Variants in LARGE1 observed in about 807,000 individuals in gnomAD.
The protein encoded by LARGE1 is LARGE xylosyl- and glucuronyltransferase 1.
Under a neutral mutation model 87.6 loss-of-function variants are expected in LARGE1, and 43 were observed. The observed-to-expected ratio is 0.49, with a 90% CI of 0.38 to 0.63. The LOEUF (loss-of-function observed/expected upper bound fraction) is 0.63, where lower values mean the gene tolerates loss of function less well. Ranked by LOEUF, LARGE1 falls within the 30% of genes least tolerant of loss-of-function variation. LARGE1 has a pLI of 0.00. For missense variants in LARGE1, 802 were observed against 1,000.2 expected (o/e 0.80, Z 2.67); for synonymous variants, 434 against 394.6 (o/e 1.10, Z -1.18).
At chr22:33,571,719 T>C (rs932163146) in intron 5 of LARGE1, among the ~76,000 whole-genome samples, 2 of 152,122 alleles carry the variant, frequency 1.3e-5, no homozygotes, top group Non-Finnish European at 2.9e-5. Flanking sequence ...CCTACCAAGA[T>C]TAAGGGTTGT....
At chr22:33,349,184 A>G (rs1275479783) in intron 9 of LARGE1, among the ~76,000 whole-genome samples, 2 of 152,196 alleles carry the variant, frequency 1.3e-5, no homozygotes, top group Non-Finnish European at 2.9e-5. Flanking sequence ...TCAGGCCTTC[A>G]GACTCAGATT....
At chr22:33,521,377 C>T (rs1162855955) in intron 6 of LARGE1, among the ~76,000 whole-genome samples, 1 of 152,232 alleles carries the variant, frequency 6.6e-6, no homozygotes, top group Non-Finnish European at 1.5e-5. Context: ...GTGGCCTTAC[C>T]TGCTAGCATA....
intron 1 of LARGE1, among the ~76,000 whole-genome samples, chr22:33,873,935 C>T (rs1444614402): frequency 1.3e-5 from 2 of 151,778 alleles, no homozygotes; most frequent in African/African-American, 4.8e-5. Flanking sequence ...CCTCCCAACC[C>T]TGATATTTCT....
chr22:33,094,859 C>T, the LARGE1 span, among the ~76,000 whole-genome samples: 1 of 152,234 alleles, frequency 6.6e-6, no homozygotes, highest in African/African-American at 2.4e-5. Flanking sequence ...GCTAGAATTA[C>T]AGGCATGCAC....
At chr22:33,250,684 A>G (rs976402300) in intron 11 of LARGE1, among the ~76,000 whole-genome samples, 3 of 152,150 alleles carry the variant, frequency 2.0e-5, no homozygotes, top group Admixed American at 2.0e-4. Context: ...ATCTCTATTC[A>G]TACTTTACTG....
intron 10 of LARGE1, among the ~76,000 whole-genome samples, chr22:33,328,938 C>T (rs1937474979): frequency 2.0e-5 from 3 of 152,102 alleles, no homozygotes; most frequent in South Asian, 2.1e-4. Flanking sequence ...TAATGACTCC[C>T]ACTCTTTGTG....
chr22:33,742,453 T>C lies in LARGE1; in HGVS notation c.106+18918A>G, dbSNP rs148077891. Among the ~76,000 whole-genome samples, 348 of 152,294 alleles carry C rather than the reference T, an allele frequency of 2.3e-3. 1 individual carries two copies. Among genetic ancestry groups the C allele is most frequent in the African/African-American group, 8.0e-3 (334 of 41,552 alleles). ...CGAGCACAATGTGTGCAAGGAACTGTCATGTAGTATGAGTTCCCTTACTTG... is the reference window on the plus strand; with the variant it reads ...CGAGCACAATGTGTGCAAGGAACTGCCATGTAGTATGAGTTCCCTTACTTG... On this transcript the variant is annotated intron_variant, in intron 2 of 14. Transcript: ENST00000397394.
At chr22:33,795,057 A>G (rs532037789) in intron 1 of LARGE1, among the ~76,000 whole-genome samples, 1 of 152,338 alleles carries the variant, frequency 6.6e-6, no homozygotes, top group South Asian at 2.1e-4. Context: ...GACTCAATGA[A>G]TGGTAAGAGT....
chr22:33,688,143 A>C (rs1233722999), intron 2 of LARGE1, among the ~76,000 whole-genome samples: 1 of 152,212 alleles, frequency 6.6e-6, no homozygotes. Flanking sequence ...TTGGGATGAG[A>C]TCCTACTCGA....
At chr22:33,528,351 A>C (rs918471044) in intron 6 of LARGE1, among the ~76,000 whole-genome samples, 5 of 152,140 alleles carry the variant, frequency 3.3e-5, no homozygotes, top group African/African-American at 1.2e-4. Flanking sequence ...AGGAAACAGA[A>C]ATTTATGCTG....
chr22:33,325,116 A>G (rs539521712), intron 10 of LARGE1, among the ~76,000 whole-genome samples: 21 of 152,240 alleles, frequency 1.4e-4, no homozygotes, highest in Non-Finnish European at 2.8e-4. Context: ...CTTGCAGGTA[A>G]CCAACTCACT....
intron 3 of LARGE1, among the ~76,000 whole-genome samples, chr22:33,635,947 C>T (rs552827636): frequency 3.3e-5 from 5 of 152,228 alleles, no homozygotes; most frequent in African/African-American, 9.6e-5. Context: ...CAGGGCTCAG[C>T]GAGGAACAGG....
rs1263051996 is a variant in LARGE1 at position 33,579,076 on chromosome 22, T to C, written c.616-14057A>G. ...AAGATTGTTACAATGGATTTTTAACTTCTGTACTTTAGAGTGTGTGATATG... is the reference window on the plus strand; with the variant it reads ...AAGATTGTTACAATGGATTTTTAACCTCTGTACTTTAGAGTGTGTGATATG... On this transcript the variant is annotated intron_variant, in intron 5 of 14. Transcript: ENST00000397394. 3.3e-5 allele frequency among the ~76,000 whole-genome samples: 5 copies of C among 152,342 alleles called. No individual in the cohort carries two copies. The South Asian group carries it at 1.0e-3, about 32-fold the overall frequency.
At chr22:33,280,497 A>G (rs1056755233) in intron 13 of LARGE1, among the ~76,000 whole-genome samples, 1 of 152,122 alleles carries the variant, frequency 6.6e-6, no homozygotes, top group African/African-American at 2.4e-5. Context: ...AAGGAAGGGA[A>G]AACAATGGGG....
chr22:33,651,429 T>C (rs984795789), intron 2 of LARGE1, among the ~76,000 whole-genome samples: 9 of 146,036 alleles, frequency 6.2e-5, no homozygotes, highest in African/African-American at 2.3e-4. Flanking sequence ...ATAATAATAA[T>C]GACTAAGTTT....
intron 2 of LARGE1, chr22:33,744,109 T>C (rs571663619): frequency 7.2e-5 from 11 of 152,372 alleles, no homozygotes; most frequent in Admixed American, 6.5e-4. Flanking sequence ...TTTAATACTC[T>C]ATTTTATTTG....
Position 33,487,588 on chromosome 22 carries a change from G to A in LARGE1, c.788-55323C>T, listed in dbSNP as rs572120361. Among the ~76,000 whole-genome samples, 3 of 152,202 alleles carry A rather than the reference G, an allele frequency of 2.0e-5. No individual in the cohort carries two copies. In the East Asian group the frequency reaches 5.8e-4, roughly 29 times the overall value. ...GAGAAAGTGCCTATCCATCTCGCAG[G>A]GTCAGTAGACTTACTGATCAAGAAA... is the stretch of plus-strand genomic sequence containing the variant. On this transcript the variant is annotated intron_variant, in intron 6 of 14. Coordinates refer to ENST00000397394, the MANE Select transcript of LARGE1 (RefSeq NM_133642.5).
chr22:33,849,686 C>T (rs1225181899), intron 1 of LARGE1, among the ~76,000 whole-genome samples: 2 of 145,688 alleles, frequency 1.4e-5, no homozygotes, highest in Non-Finnish European at 3.0e-5. Flanking sequence ...GCAACCTCTA[C>T]CTCCCAGGTT....
At chr22:33,404,096 T>C (rs544786684) in intron 7 of LARGE1, among the ~76,000 whole-genome samples, 3 of 152,338 alleles carry the variant, frequency 2.0e-5, no homozygotes, top group Admixed American at 2.0e-4. Context: ...ACATATAGTC[T>C]ATTGTATGAT....
Sources: gnomAD v4.1 joint callset for allele counts (sites outside exome capture counted in the v4.1 genomes callset) on GRCh38, gnomAD v4.1.1 for gene constraint, MANE v1.5 for transcripts, NCBI Gene and HGNC (gene_info 2026-07-23, HGNC 2026-07-21) for gene names.